The following XKR6 variants were observed in gnomAD, a reference collection of about 807,000 sequenced individuals.
The protein encoded by XKR6 is XK related 6.
In XKR6, 22 loss-of-function variants were observed where a neutral mutation model predicts 56.7. That is an observed-to-expected ratio of 0.39 (90% CI 0.28 to 0.55). The LOEUF is 0.55. Ranked by LOEUF, XKR6 falls within the 20% of genes least tolerant of loss-of-function variation. The probability of loss-of-function intolerance (pLI) is 0.66; values close to 1 mark genes in which losing one functional copy is unlikely to be tolerated. For synonymous variants in XKR6, 524 were observed against 387.8 expected, an observed-to-expected ratio of 1.35 and a Z score of -4.13; for missense variants, 852 against 889.0, an observed-to-expected ratio of 0.96 and a Z score of 0.53.
At chr8:11,135,676 A>C (rs762603588) in intron 1 of XKR6, among the ~76,000 whole-genome samples, 3 of 152,142 alleles carry the variant, frequency 2.0e-5, no homozygotes, top group Non-Finnish European at 2.9e-5. Flanking sequence ...AAATGTCTGA[A>C]AACATGTACA....
At chr8:11,143,542 A>G (rs1586608613) in intron 1 of XKR6, among the ~76,000 whole-genome samples, 2 of 152,356 alleles carry the variant, frequency 1.3e-5, no homozygotes, top group Non-Finnish European at 2.9e-5. Context: ...AGATTAGGAG[A>G]CTTAAAAGAC....
intron 1 of XKR6, chr8:11,107,778 G>A (rs1017735529): frequency 6.4e-6 from 1 of 155,600 alleles, no homozygotes; most frequent in African/African-American, 2.4e-5. Context: ...ATCCGCAACA[G>A]ACAGGAATGT....
At chr8:11,078,076 C>G (rs1800322083) in intron 1 of XKR6, among the ~76,000 whole-genome samples, 1 of 152,166 alleles carries the variant, frequency 6.6e-6, no homozygotes, top group South Asian at 2.1e-4. Context: ...TTAAAGCCCT[C>G]TGGGAAAACA....
intron 1 of XKR6, among the ~76,000 whole-genome samples, chr8:11,125,088 CAAAA>C (rs534903006): frequency 3.2e-4 from 25 of 77,602 alleles, no homozygotes; most frequent in African/African-American, 9.9e-4. Context: ...GACTCTGTCT[CAAAA>C]AAAAAAAAAA....
chr8:11,005,425 C>T (rs1250791120), intron 1 of XKR6, among the ~76,000 whole-genome samples: 1 of 151,836 alleles, frequency 6.6e-6, no homozygotes, highest in Non-Finnish European at 1.5e-5. Context: ...GGATGGGGAG[C>T]AGTTATTTAA....
At chr8:11,117,935 C>T (rs866266682) in intron 1 of XKR6, among the ~76,000 whole-genome samples, 5 of 152,022 alleles carry the variant, frequency 3.3e-5, no homozygotes, top group East Asian at 1.9e-4. Context: ...CCAAATGAGA[C>T]GCTAACAGAG....
At chr8:10,902,270 A>G (rs1194552103) in intron 2 of XKR6, among the ~76,000 whole-genome samples, 1 of 152,250 alleles carries the variant, frequency 6.6e-6, no homozygotes, top group African/African-American at 2.4e-5. Flanking sequence ...GCTAATGGCC[A>G]GCCCAGTTTT....
chr8:11,051,321 C>A (rs539671985), intron 1 of XKR6, among the ~76,000 whole-genome samples: 1 of 152,208 alleles, frequency 6.6e-6, no homozygotes, highest in Admixed American at 6.5e-5. Flanking sequence ...TCTCCAGTCT[C>A]CCCCTCGGTA....
intron 1 of XKR6, among the ~76,000 whole-genome samples, chr8:11,067,440 T>G (rs916843963): frequency 1.3e-5 from 2 of 152,252 alleles, no homozygotes; most frequent in African/African-American, 4.8e-5. Flanking sequence ...AGGGTTGAAC[T>G]GGACCATCCC....
At chr8:11,042,388 G>A (rs1799307791) in intron 1 of XKR6, among the ~76,000 whole-genome samples, 1 of 152,020 alleles carries the variant, frequency 6.6e-6, no homozygotes, top group Admixed American at 6.6e-5. Flanking sequence ...TGAACCGTGG[G>A]GACAGATTTT....
intron 1 of XKR6, among the ~76,000 whole-genome samples, chr8:10,996,166 T>G (rs1269551788): frequency 6.6e-6 from 1 of 152,200 alleles, no homozygotes; most frequent in Non-Finnish European, 1.5e-5. Flanking sequence ...ACTTCTCAGG[T>G]CAATAATCTT....
intron 1 of XKR6, among the ~76,000 whole-genome samples, chr8:11,197,223 G>A (rs1449687059): frequency 6.6e-6 from 1 of 152,214 alleles, no homozygotes; most frequent in Non-Finnish European, 1.5e-5. Flanking sequence ...ATAGAAGGGT[G>A]CAAACACACA....
intron 1 of XKR6, among the ~76,000 whole-genome samples, chr8:11,007,745 G>C (rs1352050938): frequency 1.3e-5 from 2 of 152,188 alleles, no homozygotes; most frequent in East Asian, 3.9e-4. Context: ...TGGGGGTGGA[G>C]GAACAGAGGC....
chr8:11,131,282 G>C (rs539090501), intron 1 of XKR6, among the ~76,000 whole-genome samples: 3 of 151,940 alleles, frequency 2.0e-5, no homozygotes, highest in Admixed American at 6.6e-5. Flanking sequence ...TTCATTTTTG[G>C]TTCTTAATCT....
intron 1 of XKR6, among the ~76,000 whole-genome samples, chr8:11,170,623 T>C (rs1049104612): frequency 6.6e-6 from 1 of 152,252 alleles, no homozygotes. Context: ...TTAGCACATT[T>C]GTGGTAATCG....
chr8:11,030,721 G>A (rs1184421097), intron 1 of XKR6, among the ~76,000 whole-genome samples: 1 of 152,094 alleles, frequency 6.6e-6, no homozygotes, highest in Non-Finnish European at 1.5e-5. Flanking sequence ...CTAATGGGCG[G>A]TAGTTCCTCA....
At chr8:11,136,425 A>C (rs964256605) in intron 1 of XKR6, among the ~76,000 whole-genome samples, 69 of 148,272 alleles carry the variant, frequency 4.7e-4, no homozygotes, top group Admixed American at 1.4e-3. Flanking sequence ...AATCGCTTGA[A>C]CCCGGGGGGC....
At chr8:10,968,101 C>G (rs1277907522) in intron 1 of XKR6, among the ~76,000 whole-genome samples, 1 of 152,186 alleles carries the variant, frequency 6.6e-6, no homozygotes, top group African/African-American at 2.4e-5. Context: ...CCCCTGGTAC[C>G]CAGGGTCTGT....
chr8:11,083,339 C>T (rs1166934672), intron 1 of XKR6, among the ~76,000 whole-genome samples: 1 of 152,150 alleles, frequency 6.6e-6, no homozygotes, highest in Non-Finnish European at 1.5e-5. Flanking sequence ...ACCCACGGTG[C>T]AATTTTCCCC....
Sources: allele counts gnomAD v4.1 joint callset (sites outside exome capture counted in the v4.1 genomes callset), GRCh38; gene constraint gnomAD v4.1.1; transcripts MANE v1.5; gene names NCBI Gene and HGNC (gene_info 2026-07-23, HGNC 2026-07-21).